Variants in CDH4 observed in about 807,000 individuals in gnomAD.
CDH4 encodes cadherin 4, also known as cadherin-4.
A neutral mutation model predicts 86.0 loss-of-function variants in CDH4; 33 were observed. The ratio of observed to expected loss-of-function variants is 0.38; its 90% confidence interval spans 0.29 to 0.51. The LOEUF is 0.51. Among genes scored for constraint, CDH4 ranks in the 20% least tolerant of loss-of-function variants. The pLI, the probability that CDH4 is intolerant of heterozygous loss-of-function variation, is 0.86. For missense variants in CDH4, 1,114 were observed against 1,307.4 expected (o/e 0.85, Z 2.28); for synonymous variants, 555 against 549.4 (o/e 1.01, Z -0.14).
chr20:61,502,980 G>T (rs2085715498), intron 2 of CDH4, among the ~76,000 whole-genome samples: 1 of 152,180 alleles, frequency 6.6e-6, no homozygotes, highest in Admixed American at 6.5e-5. Context: ...CGCCAAAGAT[G>T]ATTATGCCTA....
chr20:61,890,370 G>A (rs997659039), intron 7 of CDH4, among the ~76,000 whole-genome samples: 1 of 151,550 alleles, frequency 6.6e-6, no homozygotes, highest in Non-Finnish European at 1.5e-5. Context: ...GATAATGGAT[G>A]GGTAAGCAGA....
intron 2 of CDH4, among the ~76,000 whole-genome samples, chr20:61,502,162 A>T (rs1163739488): frequency 6.6e-6 from 1 of 152,210 alleles, no homozygotes; most frequent in Non-Finnish European, 1.5e-5. Context: ...TAACCTGAGA[A>T]ACCATCATAG....
intron 2 of CDH4, among the ~76,000 whole-genome samples, chr20:61,467,626 TAATTACAC>T (rs1188770732): frequency 3.3e-5 from 5 of 152,220 alleles, no homozygotes; most frequent in Middle Eastern, 3.2e-3. Flanking sequence ...CTACATAACA[TAATTACAC>T]ATGCTGCTGC....
At chr20:61,897,545 C>G (rs958694502) in intron 8 of CDH4, among the ~76,000 whole-genome samples, 16 of 152,156 alleles carry the variant, frequency 1.1e-4, no homozygotes, top group African/African-American at 3.9e-4. Context: ...GACTAGCCAC[C>G]AGCACTGACC....
At chr20:61,329,976 T>C (rs941373659) in intron 2 of CDH4, among the ~76,000 whole-genome samples, 1 of 152,116 alleles carries the variant, frequency 6.6e-6, no homozygotes, top group African/African-American at 2.4e-5. Context: ...CTGAGGATAA[T>C]GGCTTCTGGC....
At chr20:61,280,006 C>T (rs1033964391) in intron 2 of CDH4, among the ~76,000 whole-genome samples, 12 of 152,080 alleles carry the variant, frequency 7.9e-5, no homozygotes, top group South Asian at 4.1e-4. Context: ...CTGACTCCAT[C>T]GGTGGGGTTG....
intron 2 of CDH4, among the ~76,000 whole-genome samples, chr20:61,667,858 GA>G (rs2087344524): frequency 6.6e-6 from 1 of 152,194 alleles, no homozygotes; most frequent in Non-Finnish European, 1.5e-5. Flanking sequence ...TTCTGAACAG[GA>G]AATGCACGTC....
At chr20:61,520,357 T>C (rs985558571) in intron 2 of CDH4, among the ~76,000 whole-genome samples, 17 of 152,268 alleles carry the variant, frequency 1.1e-4, no homozygotes, top group Admixed American at 8.5e-4. Context: ...ACCACACCCT[T>C]GGGTTGAAAT....
chr20:61,566,315 C>A (rs897933044), intron 2 of CDH4, among the ~76,000 whole-genome samples: 2 of 152,166 alleles, frequency 1.3e-5, no homozygotes, highest in Admixed American at 1.3e-4. Context: ...TTGGTTCTTC[C>A]AAAGGTTTTG....
At chr20:61,781,250 A>AAGAG (rs3082032) in intron 4 of CDH4, among the ~76,000 whole-genome samples, 151,501 of 151,572 alleles carry the variant, frequency 1, 75,715 homozygotes, top group Middle Eastern at 1. Context: ...ACATGTCAAA[A>AAGAG]AGAGAGAAAA....
chr20:61,772,870 A>G, intron 3 of CDH4, 133 bp from the exon 4 acceptor site: 1 of 611,232 alleles, frequency 1.6e-6, no homozygotes, highest in Non-Finnish European at 2.5e-6. Flanking sequence ...CTTCCCGCTT[A>G]GCTCCTTGTC....
At chr20:61,310,252 C>T (rs3859607) in intron 2 of CDH4, among the ~76,000 whole-genome samples, 112,358 of 151,968 alleles carry the variant, frequency 0.74, 42,557 homozygotes, top group Non-Finnish European at 0.82. Context: ...CAAGCCAGGA[C>T]GGGAGGGCAA....
chr20:61,324,630 G>A (rs898460373), intron 2 of CDH4, among the ~76,000 whole-genome samples: 16 of 152,208 alleles, frequency 1.1e-4, no homozygotes, highest in Admixed American at 1.0e-3. Context: ...AGTCTGGTAT[G>A]AACTCATCTA....
chr20:61,753,034 C>T (rs1365974102), intron 3 of CDH4, among the ~76,000 whole-genome samples: 1 of 152,130 alleles, frequency 6.6e-6, no homozygotes, highest in African/African-American at 2.4e-5. Context: ...CAAATGCATG[C>T]AGAGGGCTAC....
rs142373147 is a variant in CDH4, at chr20:61,626,584, C to T, written c.170-116979C>T. 2.8e-3 allele frequency among the ~76,000 whole-genome samples: 426 copies of T among 152,310 alleles called. 1 individual carries two copies. Among genetic ancestry groups the T allele is most frequent in the African/African-American group, 9.0e-3 (374 of 41,564 alleles). ...AGAAGCTCCTCTGTGAGCTGGCTGG[C>T]GCCCGGCCTTGCCAGTCCATTCTGC... On this transcript the variant is annotated intron_variant, in intron 2 of 15. Coordinates refer to ENST00000614565, the MANE Select transcript of CDH4 (RefSeq NM_001794.5).
intron 2 of CDH4, among the ~76,000 whole-genome samples, chr20:61,488,161 G>A (rs1006544429): frequency 6.6e-6 from 1 of 152,290 alleles, no homozygotes; most frequent in African/African-American, 2.4e-5. Flanking sequence ...CGCCGAGGAA[G>A]GAATCTACTA....
chr20:61,602,523 A>G (rs747102984), intron 2 of CDH4, among the ~76,000 whole-genome samples: 1 of 152,130 alleles, frequency 6.6e-6, no homozygotes, highest in Non-Finnish European at 1.5e-5. Context: ...AAAAATAGCC[A>G]TAACACAGCC....
chr20:61,933,828 GC>G (rs2055144291), intron 14 of CDH4, among the ~76,000 whole-genome samples: 1 of 152,204 alleles, frequency 6.6e-6, no homozygotes, highest in Non-Finnish European at 1.5e-5. Flanking sequence ...ATGGAACACA[GC>G]CAAGAACAGC....
Position 61,417,060 on chromosome 20 carries a change from G to A in CDH4, c.169+162123G>A, listed in dbSNP as rs1017510943. Among the ~76,000 whole-genome samples, 7 of 152,164 alleles carry A rather than the reference G, an allele frequency of 4.6e-5. No individual in the cohort carries two copies. The highest frequency in any genetic ancestry group is 4.2e-4 in the South Asian group (2 of 4,810). Reference sequence around the variant, plus strand: ...CAATTCAGAACACAGCAAGACTGGCGCAGCCTGGCATTACTGCTCAATAGA... The same window carrying A: ...CAATTCAGAACACAGCAAGACTGGCACAGCCTGGCATTACTGCTCAATAGA... On this transcript the variant is annotated intron_variant, in intron 2 of 15. Transcript: ENST00000614565. This position sits in a 1 kb window ranked among gnomAD's most constrained non-coding sequence, Gnocchi z 4.0.
Sources: allele counts gnomAD v4.1 joint callset (sites outside exome capture counted in the v4.1 genomes callset), GRCh38; gene constraint gnomAD v4.1.1; non-coding constraint Gnocchi (gnomAD v3.1); transcripts MANE v1.5; gene names NCBI Gene and HGNC (gene_info 2026-07-23, HGNC 2026-07-21).